Variants in PRDM16 observed in about 807,000 individuals in gnomAD.
The protein encoded by PRDM16 is PR/SET domain 16, also known as histone-lysine N-methyltransferase PRDM16.
A neutral mutation model predicts 110.6 loss-of-function variants in PRDM16; 23 were observed. That is an observed-to-expected ratio of 0.21 (90% CI 0.15 to 0.29). PRDM16 has a LOEUF of 0.29. Ranked by LOEUF, PRDM16 falls within the 10% of genes least tolerant of loss-of-function variation. The pLI, the probability that PRDM16 is intolerant of heterozygous loss-of-function variation, is 1.00. For missense variants in PRDM16, 1,615 were observed against 1,794.3 expected (o/e 0.90, Z 1.81); for synonymous variants, 799 against 781.8 (o/e 1.02, Z -0.37).
At chr1:3,337,637 A>G (rs1400007509) in intron 3 of PRDM16, among the ~76,000 whole-genome samples, 1 of 152,110 alleles carries the variant, frequency 6.6e-6, no homozygotes, top group African/African-American at 2.4e-5. Context: ...AGCCCCCAAC[A>G]GGGGCTGCGG....
At chr1:3,123,057 A>G (rs1360350068) in intron 1 of PRDM16, among the ~76,000 whole-genome samples, 1 of 152,220 alleles carries the variant, frequency 6.6e-6, no homozygotes, top group Non-Finnish European at 1.5e-5. Context: ...ATGAGAAGTC[A>G]GTGTTCTTCG....
chr1:3,114,567 CACACACTTGCACACACAAGA>C (rs1642909502), intron 1 of PRDM16, among the ~76,000 whole-genome samples: 1 of 151,226 alleles, frequency 6.6e-6, no homozygotes, highest in African/African-American at 2.4e-5. Flanking sequence ...CACAAACAAG[CACACACTTGCACACACAAGA>C]ACACACGTGC....
chr1:3,272,586 G>C (rs939726898), intron 3 of PRDM16, among the ~76,000 whole-genome samples: 1 of 152,220 alleles, frequency 6.6e-6, no homozygotes, highest in Admixed American at 6.5e-5. Flanking sequence ...TGAGCCTGGG[G>C]ACATTCATGC....
At chr1:3,325,567 C>T (rs541050904) in intron 3 of PRDM16, among the ~76,000 whole-genome samples, 1 of 152,352 alleles carries the variant, frequency 6.6e-6, no homozygotes, top group South Asian at 2.1e-4. Flanking sequence ...CCTGGAGCTG[C>T]TGTAACAAAG....
intron 1 of PRDM16, among the ~76,000 whole-genome samples, chr1:3,181,117 TACAC>T (rs1644158847): frequency 8.2e-6 from 1 of 122,170 alleles, no homozygotes; most frequent in African/African-American, 3.1e-5. Flanking sequence ...CACGCGGCCT[TACAC>T]ACGCAGTCTT....
intron 1 of PRDM16, among the ~76,000 whole-genome samples, chr1:3,181,243 C>CGGCCTT (rs1298438837): frequency 1.2e-3 from 61 of 49,860 alleles, no homozygotes; most frequent in Non-Finnish European, 2.2e-3. Flanking sequence ...GTCTTACACA[C>CGGCCTT]AGTCTTACAC....
chr1:3,426,316 A>G (rs1273337185), intron 14 of PRDM16, 91 bp downstream of exon 14: 1 of 1,089,170 alleles, frequency 9.2e-7, no homozygotes, highest in Non-Finnish European at 1.4e-6. Context: ...CCACCCCAGC[A>G]CCAGCCCCTA....
chr1:3,203,843 G>T (rs560096329), intron 2 of PRDM16, among the ~76,000 whole-genome samples: 3 of 152,030 alleles, frequency 2.0e-5, no homozygotes, highest in Non-Finnish European at 2.9e-5. Context: ...GGTGAATTCG[G>T]GGGGGGCACA....
At chr1:3,285,192 T>C (rs568149010) in intron 3 of PRDM16, among the ~76,000 whole-genome samples, 1 of 152,236 alleles carries the variant, frequency 6.6e-6, no homozygotes, top group Non-Finnish European at 1.5e-5. Context: ...AGGTGGGCTG[T>C]GTGGACTGCA....
At chr1:3,178,574 A>G (rs1391838673) in intron 1 of PRDM16, among the ~76,000 whole-genome samples, 2 of 152,116 alleles carry the variant, frequency 1.3e-5, no homozygotes, top group Admixed American at 1.3e-4. Flanking sequence ...CAGGGTCAAT[A>G]AGGGTTTCAG....
intron 1 of PRDM16, among the ~76,000 whole-genome samples, chr1:3,135,829 TC>T (rs1643426843): frequency 6.6e-6 from 1 of 152,168 alleles, no homozygotes; most frequent in Admixed American, 6.5e-5. Flanking sequence ...TCCCCGTGGC[TC>T]CCTGGGCCGG....
At chr1:3,165,687 CCAGGGACAGGGACTCACCTGGGCT>C in intron 1 of PRDM16, among the ~76,000 whole-genome samples, 1 of 14,632 alleles carries the variant, frequency 6.8e-5, no homozygotes, top group South Asian at 5.2e-3. Context: ...TCACCTGGGC[CCAGGGACAGGGACTCACCTGGGCT>C]CAGGGACAGT....
Position 3,209,681 on chromosome 1 carries a change from A to G in PRDM16, c.387+23207A>G, listed in dbSNP as rs1192402566. Among the ~76,000 whole-genome samples, 3 of 152,150 alleles carry G rather than the reference A, an allele frequency of 2.0e-5. No individual in the cohort carries two copies. Among genetic ancestry groups the G allele is most frequent in the Non-Finnish European group, 4.4e-5 (3 of 68,008 alleles). ...CCACCTCCTGCTTCTGGAGAGGTTTAGTTGTCAACGGCCACCAGGAACCAC... is the reference window on the plus strand; with the variant it reads ...CCACCTCCTGCTTCTGGAGAGGTTTGGTTGTCAACGGCCACCAGGAACCAC... On this transcript the variant is annotated intron_variant, in intron 2 of 16. Transcript: ENST00000270722. The surrounding 1 kb of genome is among the most constrained non-coding windows in gnomAD (Gnocchi z 4.6).
At chr1:3,384,897 A>T (rs1411848295) in intron 3 of PRDM16, among the ~76,000 whole-genome samples, 1 of 152,112 alleles carries the variant, frequency 6.6e-6, no homozygotes, top group African/African-American at 2.4e-5. Flanking sequence ...CAGGGCAGTG[A>T]TCTGCTCGGT....
chr1:3,113,371 C>T (rs1275764981), intron 1 of PRDM16, among the ~76,000 whole-genome samples: 1 of 152,014 alleles, frequency 6.6e-6, no homozygotes, highest in Admixed American at 6.5e-5. Context: ...CACTGCAGGT[C>T]CCAGCCCGAG....
chr1:3,331,977 A>C (rs12061652), intron 3 of PRDM16, among the ~76,000 whole-genome samples: 9,484 of 152,298 alleles, frequency 0.062, 347 homozygotes, highest in Middle Eastern at 0.085. Flanking sequence ...CCCCTAAAAC[A>C]TAGACTCTGG....
chr1:3,211,339 C>T (rs922344001), intron 2 of PRDM16, among the ~76,000 whole-genome samples: 43 of 152,278 alleles, frequency 2.8e-4, no homozygotes, highest in African/African-American at 8.9e-4. Context: ...AAGTCATTTC[C>T]GGGCAGCAGT....
chr1:3,109,706 G>C (rs1642741387), intron 1 of PRDM16, among the ~76,000 whole-genome samples: 1 of 152,228 alleles, frequency 6.6e-6, no homozygotes, highest in Non-Finnish European at 1.5e-5. Flanking sequence ...TCCCGTCTGT[G>C]TGCTTGAGCA....
At chr1:3,300,512 C>T (rs1641185340) in intron 3 of PRDM16, among the ~76,000 whole-genome samples, 1 of 152,206 alleles carries the variant, frequency 6.6e-6, no homozygotes. Flanking sequence ...AGATGATGTG[C>T]TGTGGCCGTG....
Sources: gnomAD v4.1 joint callset for allele counts (sites outside exome capture counted in the v4.1 genomes callset) on GRCh38, gnomAD v4.1.1 for gene constraint, Gnocchi (gnomAD v3.1) non-coding constraint, MANE v1.5 for transcripts, NCBI Gene and HGNC (gene_info 2026-07-23, HGNC 2026-07-21) for gene names.